Variants in NPR3 observed in about 807,000 individuals in gnomAD.
The protein encoded by NPR3 is natriuretic peptide receptor 3, also known as atrial natriuretic peptide receptor 3.
Under a neutral mutation model 54.5 loss-of-function variants are expected in NPR3, and 34 were observed. The observed-to-expected ratio is 0.62, with a 90% CI of 0.47 to 0.83. The LOEUF (loss-of-function observed/expected upper bound fraction) is 0.83, where lower values mean the gene tolerates loss of function less well. NPR3 is among the 40% of genes least tolerant of loss of function. NPR3 has a pLI of 0.00. For missense variants in NPR3, 674 were observed against 720.8 expected, an observed-to-expected ratio of 0.94 and a Z score of 0.74; for synonymous variants, 289 against 297.1, an observed-to-expected ratio of 0.97 and a Z score of 0.28.
chr5:32,727,553 T>A (rs1387390923), intron 2 of NPR3, among the ~76,000 whole-genome samples: 1 of 152,222 alleles, frequency 6.6e-6, no homozygotes, highest in Non-Finnish European at 1.5e-5. Context: ...ATTGAATTTC[T>A]TTTTATGTTT....
chr5:32,761,349 A>G (rs183739858), intron 3 of NPR3, among the ~76,000 whole-genome samples: 1 of 152,242 alleles, frequency 6.6e-6, no homozygotes, highest in East Asian at 1.9e-4. Flanking sequence ...GGTCTTCTTT[A>G]TCTCAGCAAT....
At chr5:32,747,694 C>T (rs1740372150) in intron 3 of NPR3, among the ~76,000 whole-genome samples, 1 of 151,930 alleles carries the variant, frequency 6.6e-6, no homozygotes, top group Admixed American at 6.6e-5. Context: ...TCTCTTTTCT[C>T]AGGTATCAGA....
intron 3 of NPR3, among the ~76,000 whole-genome samples, chr5:32,750,072 C>G (rs1477571643): frequency 6.6e-6 from 1 of 152,166 alleles, no homozygotes; most frequent in East Asian, 1.9e-4. Context: ...TTCCCTGCCA[C>G]CCTTCTGTGT....
intron 6 of NPR3, among the ~76,000 whole-genome samples, chr5:32,783,847 A>G (rs1742462190): frequency 6.6e-6 from 1 of 152,172 alleles, no homozygotes; most frequent in Non-Finnish European, 1.5e-5. Flanking sequence ...GTGAAGAGAA[A>G]GAAATGTGCC....
chr5:32,769,333 C>T (rs373182675), intron 3 of NPR3, among the ~76,000 whole-genome samples: 2 of 152,196 alleles, frequency 1.3e-5, no homozygotes, highest in Non-Finnish European at 2.9e-5. Context: ...ACACAGCACT[C>T]CCAGACTACT....
intron 3 of NPR3, among the ~76,000 whole-genome samples, chr5:32,754,987 A>G (rs1375145294): frequency 6.6e-6 from 1 of 152,120 alleles, no homozygotes. Flanking sequence ...CAGCCTCCTG[A>G]GTAGCTGGGA....
chr5:32,692,044 A>G (rs747786756), intron 1 of NPR3, among the ~76,000 whole-genome samples: 3 of 152,216 alleles, frequency 2.0e-5, no homozygotes, highest in Non-Finnish European at 1.5e-5. Context: ...GAAGAATCCT[A>G]TGGAATGAAA....
intron 1 of NPR3, among the ~76,000 whole-genome samples, chr5:32,701,017 T>C (rs1285232602): frequency 6.6e-6 from 1 of 152,176 alleles, no homozygotes; most frequent in Admixed American, 6.5e-5. Context: ...CCACCAACAG[T>C]GTAAAAATGT....
At chr5:32,750,882 A>G (rs1381069840) in intron 3 of NPR3, among the ~76,000 whole-genome samples, 1 of 152,184 alleles carries the variant, frequency 6.6e-6, no homozygotes, top group Non-Finnish European at 1.5e-5. Context: ...ACGAATAATA[A>G]TGCATACCAA....
intron 3 of NPR3, among the ~76,000 whole-genome samples, chr5:32,762,652 TC>T (rs758810501): frequency 6.6e-6 from 1 of 152,124 alleles, no homozygotes; most frequent in African/African-American, 2.4e-5. Context: ...TCTGTTCATA[TC>T]CTTCACCTAC....
chr5:32,702,160 A>G (rs1236616817), intron 1 of NPR3, among the ~76,000 whole-genome samples: 1 of 152,200 alleles, frequency 6.6e-6, no homozygotes, highest in Non-Finnish European at 1.5e-5. Context: ...GATGCCATCC[A>G]GGAGCCAGGG....
At chr5:32,704,275 C>T (rs1418476074) in intron 1 of NPR3, among the ~76,000 whole-genome samples, 1 of 151,972 alleles carries the variant, frequency 6.6e-6, no homozygotes, top group African/African-American at 2.4e-5. Flanking sequence ...CTTTCCTACC[C>T]TTTTTTAATG....
chr5:32,702,044 T>A (rs1332265048), intron 1 of NPR3, among the ~76,000 whole-genome samples: 1 of 152,146 alleles, frequency 6.6e-6, no homozygotes, highest in African/African-American at 2.4e-5. Flanking sequence ...CCAGTTAGGT[T>A]CACTCAAGGC....
upstream of NPR3, among the ~76,000 whole-genome samples, chr5:32,704,808 C>T (rs1737943239): frequency 6.6e-6 from 1 of 152,188 alleles, no homozygotes; most frequent in Admixed American, 6.5e-5. Flanking sequence ...ACTCCCCAGC[C>T]AGGGCAGGAA....
chr5:32,707,996 T>TAA (rs58410343), upstream of NPR3, among the ~76,000 whole-genome samples: 11 of 131,492 alleles, frequency 8.4e-5, no homozygotes, highest in South Asian at 2.5e-4. Context: ...GTAGTAGCTT[T>TAA]AAAAAAAAAA....
intron 3 of NPR3, among the ~76,000 whole-genome samples, chr5:32,766,315 C>T (rs763229230): frequency 4.1e-4 from 63 of 152,048 alleles, no homozygotes; most frequent in Non-Finnish European, 6.9e-4. Context: ...CTAGTGTGGA[C>T]GAAAAAATAA....
chr5:32,723,571 T>G (rs1311513257), intron 1 of NPR3, among the ~76,000 whole-genome samples: 5 of 152,230 alleles, frequency 3.3e-5, no homozygotes, highest in African/African-American at 1.2e-4. Flanking sequence ...CTAAAATCAT[T>G]AAGTTTGCTT....
intron 6 of NPR3, chr5:32,783,706 A>T (rs2112074064): frequency 6.6e-6 from 1 of 152,314 alleles, no homozygotes; most frequent in South Asian, 2.1e-4. Context: ...ATGGGAAGGA[A>T]TTAAGGAGGA....
At chr5:32,766,577 A>G (rs3811967) in intron 3 of NPR3, among the ~76,000 whole-genome samples, 21,201 of 152,184 alleles carry the variant, frequency 0.14, 1,599 homozygotes, top group South Asian at 0.21. Context: ...CTTATTTGTA[A>G]CATCTCTTTT....
Sources: gnomAD v4.1 joint callset for allele counts (sites outside exome capture counted in the v4.1 genomes callset) on GRCh38, gnomAD v4.1.1 for gene constraint, MANE v1.5 for transcripts, NCBI Gene and HGNC (gene_info 2026-07-23, HGNC 2026-07-21) for gene names.